The following ORC2 variants were observed in gnomAD, a reference collection of about 807,000 sequenced individuals.
The protein encoded by ORC2 is origin recognition complex subunit 2, also known as origin recognition complex protein 2 homolog.
ORC2 carries 37 observed loss-of-function variants against 77.7 expected under a neutral mutation model. The observed-to-expected ratio is 0.48, with a 90% CI of 0.37 to 0.63. The LOEUF is 0.63. Ranked by LOEUF, ORC2 falls within the 20% of genes least tolerant of loss-of-function variation. The pLI, the probability that ORC2 is intolerant of heterozygous loss-of-function variation, is 0.00. For synonymous variants in ORC2, 201 were observed against 229.5 expected, an observed-to-expected ratio of 0.88 and a Z score of 1.12; for missense variants, 557 against 661.9, an observed-to-expected ratio of 0.84 and a Z score of 1.74.
At chr2:200,913,463 C>CCAAT in intron 16 of ORC2, 50 bp from the exon 17 acceptor site, 1 of 1,522,584 alleles carries the variant, frequency 6.6e-7, no homozygotes, top group Non-Finnish European at 8.8e-7. Context: ...AAGACATGAC[C>CCAAT]CAATATACAA....
At chr2:200,950,529 T>C (rs1400130935) in intron 4 of ORC2, among the ~76,000 whole-genome samples, 1 of 152,176 alleles carries the variant, frequency 6.6e-6, no homozygotes. Context: ...AAGACATTAA[T>C]TAACTTTTGA....
intron 6 of ORC2, 32 bp from the exon 7 acceptor site, chr2:200,941,311 T>A (rs1290245397): frequency 6.3e-7 from 1 of 1,592,580 alleles, no homozygotes; most frequent in South Asian, 1.1e-5. Flanking sequence ...CATGACTTAC[T>A]ACGGACACTT....
At chr2:200,923,395 C>G (rs1210044574) in intron 13 of ORC2, among the ~76,000 whole-genome samples, 1 of 151,964 alleles carries the variant, frequency 6.6e-6, no homozygotes, top group Non-Finnish European at 1.5e-5. Context: ...ATTACAGGTG[C>G]GCACCACCAG....
intron 17 of ORC2, among the ~76,000 whole-genome samples, chr2:200,912,562 C>T (rs140365939): frequency 5.9e-5 from 9 of 152,188 alleles, no homozygotes; most frequent in African/African-American, 2.2e-4. Context: ...ACTACAGGTA[C>T]AGCTGCGTGC....
chr2:200,948,302 G>C (rs1416021647), intron 5 of ORC2, among the ~76,000 whole-genome samples: 1 of 152,072 alleles, frequency 6.6e-6, no homozygotes, highest in African/African-American at 2.4e-5. Flanking sequence ...TCCTGTCTTG[G>C]CCACCCAAAG....
At chr2:200,954,888 G>C (rs936439880) in intron 4 of ORC2, among the ~76,000 whole-genome samples, 1 of 123,274 alleles carries the variant, frequency 8.1e-6, no homozygotes, top group African/African-American at 3.1e-5. Flanking sequence ...TGTGAGGAAT[G>C]AATGAATGAA....
chr2:200,939,443 C>T (rs1190005163), intron 7 of ORC2, among the ~76,000 whole-genome samples: 2 of 152,192 alleles, frequency 1.3e-5, no homozygotes, highest in Non-Finnish European at 2.9e-5. Context: ...TCTCTCTTGA[C>T]AGTTTGCTCA....
Position 200,925,903 on chromosome 2 carries a change from G to T in ORC2, c.1080C>A (p.Leu360=). The part of the protein sequence containing the change: ...SVLNSITEEV[L]DHMGTFRSIL... ...TACTGCGGAAAGTACCCATATGATCGAGGACTTCTTCTGTTATAGAATTCA... is the reference window on the plus strand; with the variant it reads ...TACTGCGGAAAGTACCCATATGATCTAGGACTTCTTCTGTTATAGAATTCA... The change falls in exon 13 of 18, where the codon CTC becomes CTA. Residue 360 remains leucine, a synonymous_variant. Coordinates refer to ENST00000234296, the MANE Select transcript of ORC2 (RefSeq NM_006190.5). 1 of 1,590,446 alleles carries T rather than the reference G, an allele frequency of 6.3e-7. No homozygotes were observed. The highest frequency in any genetic ancestry group is 8.6e-7 in the Non-Finnish European group (1 of 1,161,862).
rs1303213842 is a variant in ORC2, at chr2:200,941,285, G to T, written c.422-6C>A. 6.2e-7 allele frequency: 1 copy of T among 1,607,508 alleles called. No homozygotes were observed. The highest frequency in any genetic ancestry group is 8.5e-7 in the Non-Finnish European group (1 of 1,175,424). On this transcript the variant is annotated splice_polypyrimidine_tract_variant and splice_region_variant and intron_variant, in intron 6 of 17. Transcript: ENST00000234296. ...CTTGTCTGAAGCAGAATGGCCTAAA[G>T]AATGAAACAAAAAGCCATGACTTAC...
chr2:200,918,879 T>C (rs1205703846), intron 15 of ORC2, among the ~76,000 whole-genome samples: 1 of 152,052 alleles, frequency 6.6e-6, no homozygotes, highest in Non-Finnish European at 1.5e-5. Flanking sequence ...ATCTAATACC[T>C]GTTTTTCTGG....
chr2:200,949,268 A>G (rs1455972746), intron 5 of ORC2, among the ~76,000 whole-genome samples: 1 of 151,942 alleles, frequency 6.6e-6, no homozygotes, highest in Non-Finnish European at 1.5e-5. Flanking sequence ...AAACTAAGCT[A>G]CATATTTTGG....
At chr2:200,926,650 C>T (rs1465937551) in intron 12 of ORC2, 118 bp downstream of exon 12, 4 of 912,212 alleles carry the variant, frequency 4.4e-6, no homozygotes, top group Non-Finnish European at 6.8e-6. Context: ...AAGCACTATA[C>T]AATCCTACTA....
intron 15 of ORC2, 89 bp from the exon 16 acceptor site, chr2:200,914,081 A>G (rs936484623): frequency 6.2e-5 from 49 of 791,524 alleles, no homozygotes; most frequent in Non-Finnish European, 1.2e-5. Flanking sequence ...AGAAAATGTC[A>G]AGTAGTTGGC....
At chr2:200,924,980 G>A (rs888411971) in intron 13 of ORC2, among the ~76,000 whole-genome samples, 1 of 152,064 alleles carries the variant, frequency 6.6e-6, no homozygotes, top group Non-Finnish European at 1.5e-5. Context: ...GGCTGGTCTC[G>A]AACTCCTGAC....
In ORC2 at chr2:200,936,310, G is replaced by A. The variant is rs1378588656; in HGVS notation, c.515-418C>T. Among the ~76,000 whole-genome samples, 10 of 152,178 alleles carry A rather than the reference G, an allele frequency of 6.6e-5. No homozygotes were observed. The East Asian group carries it at 7.7e-4, about 12-fold the overall frequency. On this transcript the variant is annotated intron_variant, in intron 8 of 17. Transcript: ENST00000234296. ...CCTCTTCAAGGTACCTGCTTTCCCA[G>A]CCTCTGCTCCAACTATGGTTGACTA... is the stretch of plus-strand genomic sequence containing the variant.
chr2:200,925,084 T>C (rs1056437446), intron 13 of ORC2, among the ~76,000 whole-genome samples: 7 of 151,856 alleles, frequency 4.6e-5, no homozygotes, highest in African/African-American at 1.7e-4. Context: ...TATAAAAACA[T>C]TAAACAATAT....
At chr2:200,923,660 C>T (rs2040794792) in intron 13 of ORC2, among the ~76,000 whole-genome samples, 1 of 152,056 alleles carries the variant, frequency 6.6e-6, no homozygotes, top group South Asian at 2.1e-4. Flanking sequence ...GGTATTTTTT[C>T]CCCAAGGCAC....
intron 1 of ORC2, among the ~76,000 whole-genome samples, chr2:200,961,952 T>G (rs1313938074): frequency 2.6e-5 from 4 of 152,206 alleles, no homozygotes; most frequent in Non-Finnish European, 5.9e-5. Flanking sequence ...AAACAAATAT[T>G]CTAGGCAACT....
chr2:200,921,285 G>A (rs2040755205), intron 13 of ORC2, 146 bp from the exon 14 acceptor site: 1 of 434,298 alleles, frequency 2.3e-6, no homozygotes, highest in Admixed American at 4.0e-5. Flanking sequence ...TCAGCCTCTC[G>A]ATTACCTGGA....
Sources: allele counts gnomAD v4.1 joint callset (sites outside exome capture counted in the v4.1 genomes callset), GRCh38; gene constraint gnomAD v4.1.1; transcripts MANE v1.5; gene names NCBI Gene and HGNC (gene_info 2026-07-23, HGNC 2026-07-21).